GNB4: variants seen among roughly 807,000 people sequenced by gnomAD.
The protein encoded by GNB4 is G protein subunit beta 4, also known as guanine nucleotide-binding protein subunit beta-4.
GNB4 carries 28 observed loss-of-function variants against 45.2 expected under a neutral mutation model. That is an observed-to-expected ratio of 0.62 (90% CI 0.46 to 0.85). GNB4 has a LOEUF of 0.85. Among genes scored for constraint, GNB4 ranks in the 40% least tolerant of loss-of-function variants. The pLI is 0.00. For synonymous variants in GNB4, 132 were observed against 143.7 expected (o/e 0.92, Z 0.58); for missense variants, 321 against 425.4 (o/e 0.75, Z 2.16).
chr3:179,447,954 A>C (rs1219764412), intron 1 of GNB4, among the ~76,000 whole-genome samples: 1 of 152,190 alleles, frequency 6.6e-6, no homozygotes, highest in East Asian at 1.9e-4. Context: ...CCAGAAGCCA[A>C]GGGGAAACGA....
At chr3:179,455,774 TGGCAG>T (rs1285124557), upstream of GNB4, among the ~76,000 whole-genome samples, 2 of 152,226 alleles carry the variant, frequency 1.3e-5, no homozygotes, top group Non-Finnish European at 2.9e-5. Flanking sequence ...GGGCAGGGCT[TGGCAG>T]ACGTGTTCTC....
At chr3:179,478,449 C>T in the GNB4 span, among the ~76,000 whole-genome samples, 1 of 152,172 alleles carries the variant, frequency 6.6e-6, no homozygotes, top group Non-Finnish European at 1.5e-5. Flanking sequence ...GTGGCAATTA[C>T]AAATAGTTAA....
the GNB4 span, among the ~76,000 whole-genome samples, chr3:179,507,468 G>C: frequency 4.3e-4 from 65 of 152,296 alleles, no homozygotes; most frequent in Middle Eastern, 3.4e-3. Flanking sequence ...TTGTAGCATA[G>C]CATGGTGAGT....
At chr3:179,501,372 C>T in the GNB4 span, among the ~76,000 whole-genome samples, 1 of 150,734 alleles carries the variant, frequency 6.6e-6, no homozygotes. Flanking sequence ...TATCTCAGCT[C>T]ACAGCAACCT....
chr3:179,440,655 G>T (rs187207754), intron 1 of GNB4, among the ~76,000 whole-genome samples: 1 of 152,132 alleles, frequency 6.6e-6, no homozygotes, highest in African/African-American at 2.4e-5. Flanking sequence ...GGTGAACACG[G>T]TTAATAATTA....
intron 9 of GNB4, 74 bp downstream of exon 9, chr3:179,405,116 G>T: frequency 9.5e-7 from 1 of 1,051,330 alleles, no homozygotes; most frequent in Non-Finnish European, 1.4e-6. Flanking sequence ...GTCCATGGAG[G>T]CCTAGAACAC....
At chr3:179,457,198 AGAAAAAGGATTCAT>A in the GNB4 span, among the ~76,000 whole-genome samples, 1 of 152,240 alleles carries the variant, frequency 6.6e-6, no homozygotes, top group Non-Finnish European at 1.5e-5. Flanking sequence ...AATATTTAAG[AGAAAAAGGATTCAT>A]GAATTCAGAC....
At chr3:179,435,232 C>T (rs1715412476) in intron 1 of GNB4, among the ~76,000 whole-genome samples, 1 of 152,126 alleles carries the variant, frequency 6.6e-6, no homozygotes, top group Admixed American at 6.5e-5. Flanking sequence ...ATCTAATGAT[C>T]CTCCCTTCTT....
intron 1 of GNB4, among the ~76,000 whole-genome samples, chr3:179,431,401 A>G (rs75985520): frequency 0.037 from 5,672 of 152,104 alleles, 336 homozygotes; most frequent in African/African-American, 0.13. Flanking sequence ...TACTAAAAAT[A>G]CAAAAAAATT....
the GNB4 span, among the ~76,000 whole-genome samples, chr3:179,474,953 C>G: frequency 6.6e-6 from 1 of 151,272 alleles, no homozygotes; most frequent in Non-Finnish European, 1.5e-5. Flanking sequence ...AAAATCGATT[C>G]CTTATCATTC....
rs1714716403 is a variant in GNB4 at position 179,413,739 on chromosome 3, A to G, written c.473T>C (p.Val158Ala). 2 of 1,614,094 alleles carry G rather than the reference A, an allele frequency of 1.2e-6. No individual in the cohort carries two copies. Among genetic ancestry groups the G allele is most frequent in the Admixed American group, 1.7e-5 (1 of 60,004 alleles). Residue 158 changes from valine (V) to alanine (A), a missense_variant, in exon 7 of 10, where the codon GTT becomes GCT. Coordinates refer to ENST00000232564, the MANE Select transcript of GNB4 (RefSeq NM_021629.4). ...CCAAGTTGTATCTCCTGAACTTGTA[A>G]CAATTTGGCTGTCATCTAAAAAACG... ...CCRFLDDSQIVTSSGDTTCAL... is the reference protein window; with the variant it reads ...CCRFLDDSQIATSSGDTTCAL...
intron 1 of GNB4, among the ~76,000 whole-genome samples, chr3:179,433,983 T>C (rs1715377317): frequency 6.6e-6 from 1 of 152,230 alleles, no homozygotes; most frequent in Non-Finnish European, 1.5e-5. Flanking sequence ...TAACATTTTA[T>C]GTCTCAACCA....
chr3:179,441,751 CAA>C (rs532127011), intron 1 of GNB4, among the ~76,000 whole-genome samples: 114 of 124,060 alleles, frequency 9.2e-4, no homozygotes, highest in Admixed American at 1.2e-3. Flanking sequence ...GACTCCATCT[CAA>C]AAAAAAAAAA....
At chr3:179,444,425 T>G (rs1715668783) in intron 1 of GNB4, among the ~76,000 whole-genome samples, 1 of 142,740 alleles carries the variant, frequency 7.0e-6, no homozygotes, top group Non-Finnish European at 1.5e-5. Context: ...TTCAGGGTGT[T>G]TTTTTTTTTT....
chr3:179,434,760 C>G (rs1430599010), intron 1 of GNB4, among the ~76,000 whole-genome samples: 1 of 150,968 alleles, frequency 6.6e-6, no homozygotes, highest in African/African-American at 2.4e-5. Flanking sequence ...AGAATGCACA[C>G]AAGCTGGATG....
the GNB4 span, among the ~76,000 whole-genome samples, chr3:179,467,092 C>T: frequency 6.6e-6 from 1 of 152,158 alleles, no homozygotes; most frequent in Non-Finnish European, 1.5e-5. Context: ...TAGCTCACTG[C>T]AGCCTTGAAC....
the GNB4 span, among the ~76,000 whole-genome samples, chr3:179,465,798 TC>T: frequency 0.51 from 70,865 of 137,996 alleles, 18,188 homozygotes; most frequent in East Asian, 0.74. Flanking sequence ...ATAATTTTTT[TC>T]TTCTTCTTCT....
intron 2 of GNB4, among the ~76,000 whole-genome samples, chr3:179,423,575 C>T (rs1324425718): frequency 1.3e-5 from 2 of 151,730 alleles, no homozygotes; most frequent in Non-Finnish European, 2.9e-5. Context: ...TGAGGTCAAG[C>T]GATCAAGACC....
At chr3:179,435,470 C>CA (rs11389978) in intron 1 of GNB4, among the ~76,000 whole-genome samples, 5,443 of 95,996 alleles carry the variant, frequency 0.057, 264 homozygotes, top group African/African-American at 0.13. Flanking sequence ...CTTTCTTTTA[C>CA]AAAAAAAAAA....
Sources: allele counts gnomAD v4.1 joint callset (sites outside exome capture counted in the v4.1 genomes callset), GRCh38; gene constraint gnomAD v4.1.1; transcripts MANE v1.5; gene names NCBI Gene and HGNC (gene_info 2026-07-23, HGNC 2026-07-21).